TMEM132B: variants seen among roughly 807,000 people sequenced by gnomAD.
TMEM132B encodes transmembrane protein 132B.
Under a neutral mutation model 90.8 loss-of-function variants are expected in TMEM132B, and 18 were observed. That is an observed-to-expected ratio of 0.20 (90% CI 0.14 to 0.29). The LOEUF (loss-of-function observed/expected upper bound fraction) is 0.29. Among genes scored for constraint, TMEM132B ranks in the 10% least tolerant of loss-of-function variants. The pLI is 1.00. For missense variants in TMEM132B, 1,096 were observed against 1,326.8 expected, an observed-to-expected ratio of 0.83 and a Z score of 2.70; for synonymous variants, 504 against 523.3, an observed-to-expected ratio of 0.96 and a Z score of 0.50.
At chr12:125,254,682 C>CT (rs71447039) in intron 1 of TMEM132B, among the ~76,000 whole-genome samples, 7,727 of 132,304 alleles carry the variant, frequency 0.058, 442 homozygotes, top group East Asian at 0.18. Flanking sequence ...CCTCTTCCTA[C>CT]TTTTTTTTTT....
At chr12:125,430,059 T>C (rs1194586412) in intron 3 of TMEM132B, among the ~76,000 whole-genome samples, 1 of 152,264 alleles carries the variant, frequency 6.6e-6, no homozygotes, top group African/African-American at 2.4e-5. Flanking sequence ...GTGAAGGGAC[T>C]GTGTTTCCTT....
intron 7 of TMEM132B, among the ~76,000 whole-genome samples, chr12:125,651,285 A>G (rs892727128): frequency 1.1e-4 from 16 of 152,234 alleles, no homozygotes; most frequent in Admixed American, 1.0e-3. Context: ...TGTATCACCA[A>G]TAGAAGGTGG....
intron 2 of TMEM132B, among the ~76,000 whole-genome samples, chr12:125,351,053 A>G (rs1877559350): frequency 6.6e-6 from 1 of 152,222 alleles, no homozygotes; most frequent in Admixed American, 6.5e-5. Flanking sequence ...AGAGTTCTGC[A>G]GTTCTCAGTA....
chr12:125,484,155 C>T (rs1219609358), intron 3 of TMEM132B, among the ~76,000 whole-genome samples: 3 of 152,102 alleles, frequency 2.0e-5, no homozygotes, highest in African/African-American at 7.2e-5. Context: ...CTGCCTTGGC[C>T]CCCCGAAGTG....
At chr12:125,287,873 C>T (rs533755462) in intron 1 of TMEM132B, among the ~76,000 whole-genome samples, 1 of 152,196 alleles carries the variant, frequency 6.6e-6, no homozygotes, top group Admixed American at 6.5e-5. Context: ...AGATCCCTTT[C>T]TGTCTTTTTT....
At chr12:125,612,833 TTTATA>T (rs1476065904) in intron 5 of TMEM132B, among the ~76,000 whole-genome samples, 4 of 94,452 alleles carry the variant, frequency 4.2e-5, no homozygotes, top group Admixed American at 3.9e-4. Context: ...GTAGTGGGTG[TTTATA>T]TTATATATAT....
At position 125,661,320 on chromosome 12, in the gene TMEM132B, C is replaced by G. The variant is rs2137074817; in HGVS notation, c.*6610C>G. 6.6e-6 allele frequency: 1 copy of G among 152,360 alleles called. No individual in the cohort carries two copies. The highest frequency in any genetic ancestry group is 2.4e-5 in the African/African-American group (1 of 41,580). The allele number at this position is 152,360 out of a possible 1,614,324, so 9.4% of individuals were successfully genotyped here. A position where few individuals can be genotyped will look rare whatever the true frequency, so the allele number is the denominator to read the frequency against. On this transcript the variant is annotated 3_prime_UTR_variant, in exon 9 of 9. Transcript: ENST00000682704. ...CACATAGTAGAAGCATTTTCCATTT[C>G]CATGAATATTACAGGCTGAGAAGGA...
chr12:125,540,832 C>T (rs779162494), intron 4 of TMEM132B, among the ~76,000 whole-genome samples: 4 of 152,236 alleles, frequency 2.6e-5, no homozygotes, highest in Admixed American at 6.5e-5. Context: ...CTTAGAAAAA[C>T]GTCTGAAATC....
chr12:125,542,410 C>A (rs1372854893), intron 4 of TMEM132B, among the ~76,000 whole-genome samples: 1 of 152,172 alleles, frequency 6.6e-6, no homozygotes, highest in Non-Finnish European at 1.5e-5. Flanking sequence ...TATATTCATA[C>A]TGTTATGCAG....
At chr12:125,473,362 CTG>C (rs562361525) in intron 3 of TMEM132B, among the ~76,000 whole-genome samples, 140 of 152,250 alleles carry the variant, frequency 9.2e-4, no homozygotes, top group Non-Finnish European at 1.5e-3. Context: ...CTATTTGTAA[CTG>C]TATATTATTT....
chr12:125,427,618 C>A (rs1880357600), intron 3 of TMEM132B, among the ~76,000 whole-genome samples: 1 of 152,040 alleles, frequency 6.6e-6, no homozygotes, highest in Admixed American at 6.6e-5. Context: ...ATTTTGATAG[C>A]CTCCCCCAGA....
chr12:125,508,534 AC>A (rs1882900582), intron 3 of TMEM132B, among the ~76,000 whole-genome samples: 1 of 152,136 alleles, frequency 6.6e-6, no homozygotes, highest in Non-Finnish European at 1.5e-5. Flanking sequence ...CTCCATGGCC[AC>A]CTGGGAAAAT....
chr12:125,570,109 C>T (rs756036678), intron 4 of TMEM132B, among the ~76,000 whole-genome samples: 4 of 152,104 alleles, frequency 2.6e-5, no homozygotes, highest in Non-Finnish European at 4.4e-5. Flanking sequence ...CCTACTCCAC[C>T]CCGGGCAGTA....
chr12:125,363,522 C>T (rs1878026633), intron 2 of TMEM132B, among the ~76,000 whole-genome samples: 1 of 152,144 alleles, frequency 6.6e-6, no homozygotes. Context: ...GTTTTCAGTG[C>T]CTAGTAGTGT....
chr12:125,361,010 T>C (rs1459761054), intron 2 of TMEM132B, among the ~76,000 whole-genome samples: 4 of 151,672 alleles, frequency 2.6e-5, no homozygotes, highest in African/African-American at 9.7e-5. Context: ...GAAGAGTAAA[T>C]GAGATAAGGA....
At chr12:125,345,891 G>A (rs1255099177) in intron 1 of TMEM132B, among the ~76,000 whole-genome samples, 3 of 152,154 alleles carry the variant, frequency 2.0e-5, no homozygotes, top group African/African-American at 7.2e-5. Flanking sequence ...CCTGCCAATG[G>A]GAAAAAGAAT....
At chr12:125,245,214 A>G (rs1874178806) in intron 1 of TMEM132B, among the ~76,000 whole-genome samples, 1 of 152,282 alleles carries the variant, frequency 6.6e-6, no homozygotes, top group East Asian at 1.9e-4. Context: ...CATTTTATAA[A>G]AAAAGGGCAA....
intron 5 of TMEM132B, among the ~76,000 whole-genome samples, chr12:125,616,932 C>A (rs987765216): frequency 2.0e-5 from 3 of 152,192 alleles, no homozygotes; most frequent in Non-Finnish European, 4.4e-5. Flanking sequence ...AGTGAGAAAG[C>A]TGCTGTCTAC....
chr12:125,247,636 G>A (rs570405810), intron 1 of TMEM132B, among the ~76,000 whole-genome samples: 6 of 152,174 alleles, frequency 3.9e-5, no homozygotes, highest in African/African-American at 1.4e-4. Flanking sequence ...CCTTCCTATT[G>A]GCCAATCAGA....
Sources: gnomAD v4.1 joint callset for allele counts (sites outside exome capture counted in the v4.1 genomes callset) on GRCh38, gnomAD v4.1.1 for gene constraint, MANE v1.5 for transcripts, NCBI Gene and HGNC (gene_info 2026-07-23, HGNC 2026-07-21) for gene names.